Variants in DENND1A observed in about 807,000 individuals in gnomAD.
The protein encoded by DENND1A is DENN domain containing 1A.
In DENND1A, 51 loss-of-function variants were observed where a neutral mutation model predicts 113.7. That is an observed-to-expected ratio of 0.45 (90% CI 0.36 to 0.57). The LOEUF is 0.57. Ranked by LOEUF, DENND1A falls within the 20% of genes least tolerant of loss-of-function variation. The pLI is 0.00. For missense variants in DENND1A, 1,258 were observed against 1,395.9 expected (o/e 0.90, Z 1.57); for synonymous variants, 565 against 570.8 (o/e 0.99, Z 0.14).
intron 21 of DENND1A, among the ~76,000 whole-genome samples, chr9:123,396,676 T>A (rs906236399): frequency 6.6e-6 from 1 of 152,198 alleles, no homozygotes; most frequent in African/African-American, 2.4e-5. Flanking sequence ...GCAGTGCAAT[T>A]CAGAGGATCA....
chr9:123,878,846 CT>C (rs1847902043), intron 2 of DENND1A, 104 bp downstream of exon 2: 1 of 1,168,028 alleles, frequency 8.6e-7, no homozygotes, highest in African/African-American at 1.5e-5. Flanking sequence ...CTTAAACATA[CT>C]TAAAGACAAA....
intron 2 of DENND1A, among the ~76,000 whole-genome samples, chr9:123,800,333 C>A (rs1236556806): frequency 3.3e-5 from 5 of 152,226 alleles, no homozygotes; most frequent in African/African-American, 1.2e-4. Context: ...AATTATAATA[C>A]TACCAGCTAC....
At chr9:123,882,489 T>A (rs1186367633) in intron 1 of DENND1A, among the ~76,000 whole-genome samples, 1 of 152,086 alleles carries the variant, frequency 6.6e-6, no homozygotes, top group Non-Finnish European at 1.5e-5. Context: ...AGTCAACCAA[T>A]CAGAAAATTC....
At chr9:123,875,179 T>C (rs1847263221) in intron 2 of DENND1A, among the ~76,000 whole-genome samples, 1 of 152,180 alleles carries the variant, frequency 6.6e-6, no homozygotes, top group African/African-American at 2.4e-5. Context: ...ACAATTCAAT[T>C]ATATTTTTTC....
At chr9:123,619,265 T>C (rs1235183407) in intron 10 of DENND1A, among the ~76,000 whole-genome samples, 1 of 152,184 alleles carries the variant, frequency 6.6e-6, no homozygotes, top group African/African-American at 2.4e-5. Context: ...TTTTTTATAA[T>C]AAGAATGTAT....
At chr9:123,388,659 A>ACCTCTATAAAGCTC (rs2042688677) in intron 21 of DENND1A, among the ~76,000 whole-genome samples, 1 of 152,182 alleles carries the variant, frequency 6.6e-6, no homozygotes, top group Non-Finnish European at 1.5e-5. Flanking sequence ...CTTGTCAGCC[A>ACCTCTATAAAGCTC]CCTGTGAGCT....
At chr9:123,507,177 A>C (rs1477389478) in intron 13 of DENND1A, among the ~76,000 whole-genome samples, 1 of 152,188 alleles carries the variant, frequency 6.6e-6, no homozygotes, top group African/African-American at 2.4e-5. Context: ...CGACAGAGTG[A>C]GACTCCGTCT....
At position 123,383,677 on chromosome 9, in the gene DENND1A, T is replaced by A. The variant is rs150045647; in HGVS notation, c.1997A>T (p.Gln666Leu). Residue 666 changes from glutamine (Q) to leucine (L), a missense_variant, in exon 23 of 24, where the codon CAG becomes CTG. Physicochemically the swap from Gln to Leu is moderately radical, Grantham distance 113. Around this residue, in one of 2 missense-constraint regions of DENND1A, gnomAD observed 1,159 missense variants for 1,231.7 expected, o/e 0.94. Transcript: ENST00000394215. ...DLRAPKDLRE[Q>L]PGTFDYQRLD... ...TACCTGATAGTCAAAGGTCCCTGGC[T>A]GCTCCCTCAGGTCTTTGGGGGCACG... The A allele has an allele frequency of 6.2e-7, 1 of 1,613,858 alleles. No homozygotes were observed. The highest frequency in any genetic ancestry group is 1.7e-5 in the Admixed American group (1 of 60,004).
intron 1 of DENND1A, among the ~76,000 whole-genome samples, chr9:123,898,565 C>G (rs77588316): frequency 6.6e-6 from 1 of 152,082 alleles, no homozygotes; most frequent in Non-Finnish European, 1.5e-5. Context: ...TAGGCTCATG[C>G]AATCTTCCTG....
intron 5 of DENND1A, among the ~76,000 whole-genome samples, chr9:123,747,069 C>T (rs1316225771): frequency 1.3e-5 from 2 of 151,602 alleles, no homozygotes; most frequent in African/African-American, 2.4e-5. Flanking sequence ...CACTTAAAAA[C>T]TTGTTTTCTG....
intron 13 of DENND1A, among the ~76,000 whole-genome samples, chr9:123,550,403 C>T (rs1218011249): frequency 6.6e-6 from 1 of 152,144 alleles, no homozygotes; most frequent in Non-Finnish European, 1.5e-5. Flanking sequence ...TCCCATAGTG[C>T]TCCATCTACA....
At chr9:123,583,138 G>A (rs774082053) in intron 12 of DENND1A, 31 bp downstream of exon 12, 9 of 1,491,758 alleles carry the variant, frequency 6.0e-6, no homozygotes, top group Non-Finnish European at 8.3e-6. Flanking sequence ...GGAGCTCACA[G>A]AAGTGAGATC....
intron 3 of DENND1A, among the ~76,000 whole-genome samples, chr9:123,778,124 G>A (rs1349674352): frequency 2.6e-5 from 4 of 152,018 alleles, no homozygotes; most frequent in Non-Finnish European, 5.9e-5. Flanking sequence ...AACACTCAAG[G>A]GTTTTAATTT....
At chr9:123,595,195 G>T (rs1445083449) in intron 11 of DENND1A, among the ~76,000 whole-genome samples, 1 of 152,178 alleles carries the variant, frequency 6.6e-6, no homozygotes, top group Non-Finnish European at 1.5e-5. Context: ...TGGCAGAGGA[G>T]GGAAGTGGTG....
At chr9:123,707,477 T>C (rs2066303380) in intron 5 of DENND1A, among the ~76,000 whole-genome samples, 1 of 150,784 alleles carries the variant, frequency 6.6e-6, no homozygotes, top group Non-Finnish European at 1.5e-5. Context: ...AGGTATGGAA[T>C]AACTGGCAAA....
chr9:123,720,471 A>G (rs1362071523), intron 5 of DENND1A, among the ~76,000 whole-genome samples: 2 of 152,222 alleles, frequency 1.3e-5, no homozygotes, highest in African/African-American at 4.8e-5. Flanking sequence ...CTGCGACTTC[A>G]AATGTAATCA....
intron 2 of DENND1A, among the ~76,000 whole-genome samples, chr9:123,861,742 TA>T (rs1845083115): frequency 6.6e-6 from 1 of 152,144 alleles, no homozygotes; most frequent in South Asian, 2.1e-4. Context: ...CAAGCTCCTT[TA>T]AAAAATATAT....
chr9:123,406,270 A>G (rs28647805), intron 20 of DENND1A, among the ~76,000 whole-genome samples: 21,149 of 152,218 alleles, frequency 0.14, 1,715 homozygotes, highest in African/African-American at 0.2. Flanking sequence ...GGGATGTGGT[A>G]AACACCAAAG....
intron 18 of DENND1A, among the ~76,000 whole-genome samples, chr9:123,449,632 C>T (rs1217860308): frequency 2.0e-5 from 3 of 152,000 alleles, no homozygotes; most frequent in African/African-American, 4.8e-5. Context: ...AGTAACCTCA[C>T]TGTCTAAGTC....
Sources: gnomAD v4.1 joint callset for allele counts (sites outside exome capture counted in the v4.1 genomes callset) on GRCh38, gnomAD v4.1.1 for gene constraint, gnomAD v4.1.1 regional missense constraint, MANE v1.5 for transcripts, NCBI Gene and HGNC (gene_info 2026-07-23, HGNC 2026-07-21) for gene names.